ARPC1A: variants seen among roughly 807,000 people sequenced by gnomAD.
ARPC1A encodes actin-related protein 2/3 complex subunit 1A.
In ARPC1A, 8 loss-of-function variants were observed where a neutral mutation model predicts 46.9. The ratio of observed to expected loss-of-function variants is 0.17; its 90% CI spans 0.10 to 0.31. The LOEUF (loss-of-function observed/expected upper bound fraction) is 0.31. Among genes scored for constraint, ARPC1A ranks in the 10% least tolerant of loss-of-function variants. The probability of loss-of-function intolerance (pLI) is 1.00; values close to 1 mark genes in which losing one functional copy is unlikely to be tolerated. For synonymous variants in ARPC1A, 152 were observed against 169.0 expected (o/e 0.90, Z 0.78); for missense variants, 286 against 483.6 (o/e 0.59, Z 3.83).
chr7:99,355,140 G>A (rs573142876), intron 6 of ARPC1A, among the ~76,000 whole-genome samples: 118 of 150,924 alleles, frequency 7.8e-4, no homozygotes, highest in African/African-American at 2.3e-3. Flanking sequence ...AAATCAGCCC[G>A]GCATAGTGGC....
At chr7:99,343,337 C>T (rs377226272) in intron 3 of ARPC1A, among the ~76,000 whole-genome samples, 79 of 151,590 alleles carry the variant, frequency 5.2e-4, no homozygotes, top group African/African-American at 1.8e-3. Flanking sequence ...ATGGTGGCAT[C>T]TGCCTGTAAT....
Position 99,344,337 on chromosome 7 carries a change from G to A in ARPC1A, c.214G>A (p.Ala72Thr). The A allele has an allele frequency of 1.2e-6, 2 of 1,614,020 alleles. No individual in the cohort carries two copies. The highest frequency in any genetic ancestry group is 1.7e-4 in the Middle Eastern group (1 of 6,056). ...PKSDRIVTCG[A>T]DRNAYVWSQK... ...GAGCGACCGCATTGTCACTTGTGGG[G>A]CAGACCGCAATGCCTATGTCTGGAG... The change falls in exon 4 of 10, where the codon GCA becomes ACA. Residue 72 changes from alanine (A) to threonine (T), a missense_variant. Ala to Thr is a moderately conservative substitution (Grantham distance 58, BLOSUM62 0). Transcript: ENST00000262942.
intron 1 of ARPC1A, among the ~76,000 whole-genome samples, chr7:99,329,867 A>G (rs1793115855): frequency 6.6e-6 from 1 of 152,186 alleles, no homozygotes; most frequent in Non-Finnish European, 1.5e-5. Context: ...TGATTTGCAG[A>G]CCGATTTTAT....
At chr7:99,328,284 G>T (rs1046613326) in intron 1 of ARPC1A, among the ~76,000 whole-genome samples, 1 of 152,116 alleles carries the variant, frequency 6.6e-6, no homozygotes, top group African/African-American at 2.4e-5. Flanking sequence ...CTGGAGAATC[G>T]CTTGAACCCG....
rs144572322 is a variant in ARPC1A at position 99,352,387 on chromosome 7, T to G, written c.501-1522T>G. ...TAGAGTATGGATTAGCTAGGCGCAGTGGCACACATCTGTAATCCCAGCACT... is the reference window on the plus strand; with the variant it reads ...TAGAGTATGGATTAGCTAGGCGCAGGGGCACACATCTGTAATCCCAGCACT... On this transcript the variant is annotated intron_variant, in intron 5 of 9. Transcript: ENST00000262942. Among the ~76,000 whole-genome samples, 217 of 152,260 alleles carry G rather than the reference T, an allele frequency of 1.4e-3. 1 individual carries two copies. The highest frequency in any genetic ancestry group is 4.9e-3 in the African/African-American group (204 of 41,566).
intron 8 of ARPC1A, among the ~76,000 whole-genome samples, chr7:99,361,393 A>G (rs1039031563): frequency 9.3e-5 from 14 of 150,936 alleles, no homozygotes; most frequent in Non-Finnish European, 1.3e-4. Context: ...AGTCCCAGCT[A>G]CTTGGGAGGA....
intron 6 of ARPC1A, 89 bp from the exon 7 acceptor site, chr7:99,358,251 T>C: frequency 7.5e-7 from 1 of 1,327,308 alleles, no homozygotes; most frequent in Non-Finnish European, 1.1e-6. Context: ...CAGAAGCCCC[T>C]GTGAGAATGG....
At position 99,327,725 on chromosome 7, in the gene ARPC1A, G is replaced by A. The variant is rs572341247; in HGVS notation, c.-30+1721G>A. 3.4e-4 allele frequency among the ~76,000 whole-genome samples: 52 copies of A among 152,204 alleles called. 1 individual carries two copies. The highest frequency in any genetic ancestry group is 1.2e-3 in the African/African-American group (48 of 41,528). On this transcript the variant is annotated intron_variant, in intron 1 of 9. Coordinates refer to ENST00000262942, the MANE Select transcript of ARPC1A (RefSeq NM_006409.4). ...ATTTCGGAAAACTCCTATTTTGGAC[G>A]CGGAGTGGTGATACTTTGATCTAGT... is the stretch of plus-strand genomic sequence containing the variant.
chr7:99,334,830 C>T (rs1180462707), intron 2 of ARPC1A, among the ~76,000 whole-genome samples: 1 of 151,686 alleles, frequency 6.6e-6, no homozygotes, highest in East Asian at 1.9e-4. Flanking sequence ...TACATGCATG[C>T]GCCACCACAC....
intron 4 of ARPC1A, among the ~76,000 whole-genome samples, chr7:99,348,258 C>G (rs1793492873): frequency 6.6e-6 from 1 of 152,140 alleles, no homozygotes; most frequent in Non-Finnish European, 1.5e-5. Context: ...GGTTAACGTC[C>G]TATGTAATCC....
intron 6 of ARPC1A, among the ~76,000 whole-genome samples, chr7:99,354,482 C>T (rs1349048909): frequency 1.4e-5 from 2 of 142,844 alleles, no homozygotes; most frequent in Non-Finnish European, 3.0e-5. Flanking sequence ...GATCATGCCA[C>T]TGTACTCCAG....
At chr7:99,331,519 C>A (rs1267669553) in intron 1 of ARPC1A, among the ~76,000 whole-genome samples, 2 of 152,034 alleles carry the variant, frequency 1.3e-5, no homozygotes, top group Non-Finnish European at 2.9e-5. Context: ...AATGGCAATA[C>A]CGTTATCACA....
At chr7:99,338,988 T>C (rs530497049) in intron 3 of ARPC1A, among the ~76,000 whole-genome samples, 9 of 152,314 alleles carry the variant, frequency 5.9e-5, no homozygotes, top group South Asian at 2.1e-4. Flanking sequence ...TCCAGAATAT[T>C]GAGAAGAACA....
Position 99,358,727 on chromosome 7 carries a change from A to T in ARPC1A, c.789+312A>T, listed in dbSNP as rs1053683790. ...GGCTAATTTTGTATTTTTAGAAGAGACGGGGTTTCTCCATGTTGGTCAGGC... is the reference window on the plus strand; with the variant it reads ...GGCTAATTTTGTATTTTTAGAAGAGTCGGGGTTTCTCCATGTTGGTCAGGC... On this transcript the variant is annotated intron_variant, in intron 7 of 9. Transcript: ENST00000262942. 56 of 267,362 alleles carry T rather than the reference A, an allele frequency of 2.1e-4. No individual in the cohort carries two copies. The Admixed American group carries it at 2.9e-3, about 14-fold the overall frequency. 16.6% of individuals were successfully genotyped at this position (267,362 alleles called of 1,614,324 possible).
chr7:99,353,493 T>TTTATTTATTTATTTAG (rs1793581017), intron 5 of ARPC1A, among the ~76,000 whole-genome samples: 1 of 150,144 alleles, frequency 6.7e-6, no homozygotes, highest in Non-Finnish European at 1.5e-5. Flanking sequence ...TATTTATTTA[T>TTTATTTATTTATTTAG]TGAGAAGGAG....
chr7:99,366,037 T>C lies in ARPC1A; in HGVS notation c.*108T>C. On this transcript the variant is annotated 3_prime_UTR_variant, in exon 10 of 10. Coordinates refer to ENST00000262942, the MANE Select transcript of ARPC1A (RefSeq NM_006409.4). ...CCCAAGGAAACACTGAAAACACATA[T>C]CACGCCAATGCCGTGTGGTTTTGTT... 7.6e-7 allele frequency: 1 copy of C among 1,308,022 alleles called. No individual in the cohort carries two copies. The highest frequency in any genetic ancestry group is 1.1e-6 in the Non-Finnish European group (1 of 936,726). The allele number at this position is 1,308,022 out of a possible 1,614,324, so 81.0% of individuals were successfully genotyped here.
At chr7:99,333,552 A>G in intron 2 of ARPC1A, 135 bp downstream of exon 2, 1 of 747,228 alleles carries the variant, frequency 1.3e-6, no homozygotes, top group Non-Finnish European at 2.1e-6. Context: ...TCAGAAGGGA[A>G]CTAAGTCAGT....
intron 1 of ARPC1A, among the ~76,000 whole-genome samples, chr7:99,327,369 G>A (rs2150855353): frequency 6.6e-6 from 1 of 151,904 alleles, no homozygotes; most frequent in East Asian, 1.9e-4. Flanking sequence ...GGAGTGCAGT[G>A]GTGTGATCTT....
At chr7:99,344,631 T>C (rs773724083) in intron 4 of ARPC1A, 116 bp downstream of exon 4, 7 of 1,098,450 alleles carry the variant, frequency 6.4e-6, no homozygotes, top group Non-Finnish European at 9.1e-6. Flanking sequence ...GTTTTTTCTC[T>C]GAAATTCTCG....
Sources: gnomAD v4.1 joint callset for allele counts (sites outside exome capture counted in the v4.1 genomes callset) on GRCh38, gnomAD v4.1.1 for gene constraint, MANE v1.5 for transcripts, NCBI Gene and HGNC (gene_info 2026-07-23, HGNC 2026-07-21) for gene names.